Variants in NAA11 observed in about 807,000 individuals in gnomAD.
The protein encoded by NAA11 is N-alpha-acetyltransferase 11.
A neutral mutation model predicts 16.1 loss-of-function variants in NAA11; 15 were observed. The observed-to-expected ratio is 0.93, with a 90% confidence interval of 0.62 to 1.44. The LOEUF (loss-of-function observed/expected upper bound fraction) is 1.44. Ranked by LOEUF, NAA11 falls within the 40% of genes most tolerant of loss-of-function variation. NAA11 has a pLI of 0.00. For synonymous variants in NAA11, 122 were observed against 112.4 expected, an observed-to-expected ratio of 1.09 and a Z score of -0.54; for missense variants, 298 against 291.3, an observed-to-expected ratio of 1.02 and a Z score of -0.17.
intron 1 of NAA11, among the ~76,000 whole-genome samples, chr4:79,303,072 CCT>C (rs1491464463): frequency 1.0e-4 from 9 of 89,080 alleles, no homozygotes; most frequent in African/African-American, 4.1e-4. Flanking sequence ...TCTCTTGAGG[CCT>C]TTTATATATA....
the NAA11 span, among the ~76,000 whole-genome samples, chr4:79,200,690 A>G: frequency 2.6e-5 from 4 of 151,842 alleles, no homozygotes; most frequent in African/African-American, 9.7e-5. Flanking sequence ...TCAAACAATT[A>G]TAAAAATAGT....
intron 1 of NAA11, among the ~76,000 whole-genome samples, chr4:79,295,205 G>T (rs767873803): frequency 3.9e-5 from 6 of 152,190 alleles, no homozygotes; most frequent in African/African-American, 1.4e-4. Flanking sequence ...GAGTCAAAAG[G>T]TGCAATGCAA....
At chr4:79,281,025 T>C (rs1268426960) in intron 2 of NAA11, among the ~76,000 whole-genome samples, 2 of 151,968 alleles carry the variant, frequency 1.3e-5, no homozygotes, top group African/African-American at 4.8e-5. Context: ...AAGAAACAAC[T>C]AACACTTATC....
At chr4:79,259,550 A>G (rs1722202568) in intron 2 of NAA11, among the ~76,000 whole-genome samples, 1 of 152,242 alleles carries the variant, frequency 6.6e-6, no homozygotes, top group Admixed American at 6.5e-5. Context: ...CCAGACTGGT[A>G]GCATGAGCCG....
At chr4:79,217,833 A>G in the NAA11 span, among the ~76,000 whole-genome samples, 1 of 152,174 alleles carries the variant, frequency 6.6e-6, no homozygotes, top group Non-Finnish European at 1.5e-5. Context: ...ATTGTAGGTA[A>G]TTTTATCAGT....
At chr4:79,321,143 G>A (rs1230498090) in intron 1 of NAA11, among the ~76,000 whole-genome samples, 1 of 152,146 alleles carries the variant, frequency 6.6e-6, no homozygotes, top group African/African-American at 2.4e-5. Flanking sequence ...TGTTTATGTA[G>A]ACAACCTCAG....
chr4:79,180,824 C>T, the NAA11 span, among the ~76,000 whole-genome samples: 1 of 152,158 alleles, frequency 6.6e-6, no homozygotes, highest in African/African-American at 2.4e-5. Flanking sequence ...AGACTTGGAA[C>T]CAACCCAAAT....
At chr4:79,202,207 G>A in the NAA11 span, among the ~76,000 whole-genome samples, 1 of 151,344 alleles carries the variant, frequency 6.6e-6, no homozygotes, top group Non-Finnish European at 1.5e-5. Flanking sequence ...CTTATTTTCT[G>A]TGGATGAATG....
intron 2 of NAA11, among the ~76,000 whole-genome samples, chr4:79,251,602 C>T (rs912661599): frequency 2.0e-5 from 3 of 151,462 alleles, no homozygotes; most frequent in Admixed American, 6.6e-5. Flanking sequence ...ATAACAAACC[C>T]GCCATGTACC....
At chr4:79,157,344 C>A in the NAA11 span, among the ~76,000 whole-genome samples, 2 of 152,062 alleles carry the variant, frequency 1.3e-5, no homozygotes, top group Non-Finnish European at 2.9e-5. Flanking sequence ...TGAGTGAGAA[C>A]ATATAATGTT....
chr4:79,282,732 A>G (rs1048414007), intron 2 of NAA11, among the ~76,000 whole-genome samples: 1 of 152,134 alleles, frequency 6.6e-6, no homozygotes, highest in Non-Finnish European at 1.5e-5. Flanking sequence ...CAAGAGGTCA[A>G]TTGGATCTAA....
intron 2 of NAA11, among the ~76,000 whole-genome samples, chr4:79,265,654 C>T (rs1722329196): frequency 6.6e-6 from 1 of 152,154 alleles, no homozygotes; most frequent in Admixed American, 6.5e-5. Context: ...ACTCCCTCAC[C>T]TCATCAGTCC....
intron 2 of NAA11, among the ~76,000 whole-genome samples, chr4:79,263,036 A>G (rs1446331465): frequency 2.0e-5 from 3 of 152,206 alleles, no homozygotes; most frequent in Admixed American, 6.5e-5. Context: ...GTCAAAATAC[A>G]TAGATGCGTG....
chr4:79,322,159 G>GT (rs1724108288), intron 1 of NAA11, among the ~76,000 whole-genome samples: 1 of 152,176 alleles, frequency 6.6e-6, no homozygotes, highest in Admixed American at 6.5e-5. Context: ...TACCAAAATG[G>GT]TAAGAGACCT....
At chr4:79,304,405 GA>G (rs1723502008) in intron 1 of NAA11, among the ~76,000 whole-genome samples, 1 of 152,164 alleles carries the variant, frequency 6.6e-6, no homozygotes, top group Non-Finnish European at 1.5e-5. Flanking sequence ...TACAGGCTAA[GA>G]AAATGATTAA....
chr4:79,324,661 G>C, intron 1 of NAA11, among the ~76,000 whole-genome samples: 1 of 152,092 alleles, frequency 6.6e-6, no homozygotes, highest in East Asian at 1.9e-4. Context: ...GTTGCATAAG[G>C]AGACACATAT....
chr4:79,285,946 T>A (rs1722898372), intron 2 of NAA11, among the ~76,000 whole-genome samples: 1 of 152,030 alleles, frequency 6.6e-6, no homozygotes, highest in South Asian at 2.1e-4. Flanking sequence ...CCATAGGTAG[T>A]ATCAAGGATG....
chr4:79,169,365 G>C, the NAA11 span, among the ~76,000 whole-genome samples: 3 of 152,192 alleles, frequency 2.0e-5, no homozygotes, highest in Non-Finnish European at 1.5e-5. Flanking sequence ...ATACTACAAG[G>C]CTACAGTAAC....
At chr4:79,188,399 C>G in the NAA11 span, among the ~76,000 whole-genome samples, 1 of 152,036 alleles carries the variant, frequency 6.6e-6, no homozygotes, top group African/African-American at 2.4e-5. Context: ...TCCTGGCTAA[C>G]GCGGTGAAAC....
Sources: allele counts gnomAD v4.1 joint callset (sites outside exome capture counted in the v4.1 genomes callset), GRCh38; gene constraint gnomAD v4.1.1; transcripts MANE v1.5; gene names NCBI Gene and HGNC (gene_info 2026-07-23, HGNC 2026-07-21).